The following PTPRD variants were observed in gnomAD, a reference collection of about 807,000 sequenced individuals.
PTPRD encodes receptor-type tyrosine-protein phosphatase delta.
Under a neutral mutation model 214.5 loss-of-function variants are expected in PTPRD, and 34 were observed. That is an observed-to-expected ratio of 0.16 (90% CI 0.12 to 0.21). PTPRD has a LOEUF of 0.21. Among genes scored for constraint, PTPRD ranks in the 10% least tolerant of loss-of-function variants. The probability of loss-of-function intolerance (pLI) is 1.00; values close to 1 mark genes in which losing one functional copy is unlikely to be tolerated. For missense variants in PTPRD, 2,545 were observed against 2,398.7 expected, an observed-to-expected ratio of 1.06 and a Z score of -1.27; for synonymous variants, 1,128 against 845.7, an observed-to-expected ratio of 1.33 and a Z score of -5.79.
At chr9:10,388,844 A>G (rs1350358652) in intron 2 of PTPRD, among the ~76,000 whole-genome samples, 1 of 151,920 alleles carries the variant, frequency 6.6e-6, no homozygotes, top group Non-Finnish European at 1.5e-5. Context: ...TACTTAGCAG[A>G]GAGACTAGAA....
intron 11 of PTPRD, among the ~76,000 whole-genome samples, chr9:8,917,857 G>T (rs947170029): frequency 6.6e-6 from 1 of 152,166 alleles, no homozygotes; most frequent in Non-Finnish European, 1.5e-5. Flanking sequence ...AGGCAGTAAA[G>T]GATTTGCAGT....
intron 10 of PTPRD, among the ~76,000 whole-genome samples, chr9:9,110,234 G>C (rs1464252502): frequency 6.6e-6 from 1 of 152,024 alleles, no homozygotes; most frequent in African/African-American, 2.4e-5. Flanking sequence ...TTTAATACTG[G>C]TGACACCCAA....
chr9:9,486,029 T>A (rs2095615658), intron 8 of PTPRD, among the ~76,000 whole-genome samples: 1 of 151,808 alleles, frequency 6.6e-6, no homozygotes, highest in Non-Finnish European at 1.5e-5. Flanking sequence ...CTTACGCCTG[T>A]AGTCCCAGCT....
chr9:9,041,820 C>T (rs923789663), intron 10 of PTPRD, among the ~76,000 whole-genome samples: 9 of 152,182 alleles, frequency 5.9e-5, no homozygotes, highest in Non-Finnish European at 1.3e-4. Flanking sequence ...ACTAGGACTC[C>T]TAAATCCCAG....
At chr9:9,040,552 G>A (rs1057204157) in intron 10 of PTPRD, among the ~76,000 whole-genome samples, 1 of 149,944 alleles carries the variant, frequency 6.7e-6, no homozygotes, top group Non-Finnish European at 1.5e-5. Context: ...ACCACAGCCT[G>A]TGTTCATAAA....
chr9:10,204,345 A>G (rs914577673), intron 3 of PTPRD, among the ~76,000 whole-genome samples: 3 of 152,170 alleles, frequency 2.0e-5, no homozygotes, highest in Admixed American at 6.6e-5. Context: ...ACAGTTTATA[A>G]TACTAGAGAA....
At chr9:10,061,619 A>G (rs1172132081) in intron 3 of PTPRD, among the ~76,000 whole-genome samples, 1 of 152,098 alleles carries the variant, frequency 6.6e-6, no homozygotes, top group Non-Finnish European at 1.5e-5. Context: ...GTCATTTAAT[A>G]AAAGCTGCCA....
chr9:8,777,565 C>T lies in PTPRD; in HGVS notation c.-103-43619G>A, dbSNP rs1018632696. 2.6e-5 allele frequency among the ~76,000 whole-genome samples: 4 copies of T among 152,102 alleles called. No individual in the cohort carries two copies. In the East Asian group the frequency reaches 5.8e-4, roughly 22 times the overall value. ...GCTAGTGCATTTGTTTTTTAAGATA[C>T]CTAAAACTGTCCTGAGAATGTGTAT... On this transcript the variant is annotated intron_variant, in intron 11 of 45. Coordinates refer to ENST00000381196, the MANE Select transcript of PTPRD (RefSeq NM_002839.4).
At chr9:9,927,578 C>T (rs147024364) in intron 5 of PTPRD, among the ~76,000 whole-genome samples, 102 of 152,238 alleles carry the variant, frequency 6.7e-4, no homozygotes, top group African/African-American at 2.4e-3. Flanking sequence ...TAGCACCTAA[C>T]ACTAATAGTA....
chr9:8,833,281 T>A (rs563078719), intron 11 of PTPRD, among the ~76,000 whole-genome samples: 8 of 152,262 alleles, frequency 5.3e-5, no homozygotes, highest in African/African-American at 1.4e-4. Flanking sequence ...TAGCATTGAT[T>A]TGAGCATGTG....
intron 35 of PTPRD, among the ~76,000 whole-genome samples, chr9:8,418,219 C>CTTT (rs370640821): frequency 0.011 from 1,598 of 150,082 alleles, 27 homozygotes; most frequent in African/African-American, 0.034. Context: ...CTTTCTTATC[C>CTTT]TTTTCTTTTT....
chr9:9,864,493 T>C (rs1190515042), intron 5 of PTPRD, among the ~76,000 whole-genome samples: 1 of 152,068 alleles, frequency 6.6e-6, no homozygotes, highest in Non-Finnish European at 1.5e-5. Context: ...AGTTTCTGTT[T>C]CGGATTTTGT....
intron 11 of PTPRD, among the ~76,000 whole-genome samples, chr9:8,914,067 A>G (rs1292571022): frequency 6.6e-6 from 1 of 152,142 alleles, no homozygotes; most frequent in Non-Finnish European, 1.5e-5. Flanking sequence ...AATACGTACT[A>G]AAATTGAAAG....
intron 8 of PTPRD, among the ~76,000 whole-genome samples, chr9:9,541,027 C>T (rs758076774): frequency 1.3e-5 from 2 of 151,580 alleles, no homozygotes; most frequent in South Asian, 2.1e-4. Flanking sequence ...AAAACAAATA[C>T]CTCGTTCTAG....
intron 11 of PTPRD, among the ~76,000 whole-genome samples, chr9:8,760,348 C>T (rs1598950783): frequency 6.6e-6 from 1 of 151,982 alleles, no homozygotes; most frequent in Non-Finnish European, 1.5e-5. Flanking sequence ...GATCAATATT[C>T]ATGTTTGGAG....
chr9:9,242,306 T>C (rs2099970747), intron 9 of PTPRD, among the ~76,000 whole-genome samples: 1 of 152,166 alleles, frequency 6.6e-6, no homozygotes, highest in East Asian at 1.9e-4. Context: ...CTTTGGTGAA[T>C]CTGACAATTA....
intron 33 of PTPRD, among the ~76,000 whole-genome samples, chr9:8,454,309 T>A (rs1482878298): frequency 2.0e-5 from 3 of 152,240 alleles, no homozygotes; most frequent in Admixed American, 6.5e-5. Context: ...CCCATTTTAA[T>A]CTTGACCACA....
chr9:8,548,462 G>T (rs578066925), intron 14 of PTPRD, among the ~76,000 whole-genome samples: 2 of 151,982 alleles, frequency 1.3e-5, no homozygotes, highest in African/African-American at 4.8e-5. Context: ...CACCCTCCCA[G>T]GTTCAAGCGA....
chr9:10,199,897 T>G (rs2099412533), intron 3 of PTPRD, among the ~76,000 whole-genome samples: 1 of 129,426 alleles, frequency 7.7e-6, no homozygotes. Flanking sequence ...ACATGGGCAC[T>G]CGCGCGCACA....
Sources: allele counts gnomAD v4.1 joint callset (sites outside exome capture counted in the v4.1 genomes callset), GRCh38; gene constraint gnomAD v4.1.1; transcripts MANE v1.5; gene names NCBI Gene and HGNC (gene_info 2026-07-23, HGNC 2026-07-21).